TMEM132C: variants seen among roughly 807,000 people sequenced by gnomAD.
TMEM132C encodes protein phosphatase 1, regulatory subunit 152.
In TMEM132C, 29 loss-of-function variants were observed where a neutral mutation model predicts 61.4. The ratio of observed to expected loss-of-function variants is 0.47; its 90% CI spans 0.35 to 0.64. The LOEUF (loss-of-function observed/expected upper bound fraction) is 0.64. Ranked by LOEUF, TMEM132C falls within the 30% of genes least tolerant of loss-of-function variation. The pLI is 0.00. For synonymous variants in TMEM132C, 656 were observed against 633.1 expected (o/e 1.04, Z -0.54); for missense variants, 1,408 against 1,476.9 (o/e 0.95, Z 0.76).
At chr12:128,279,636 A>C (rs564398502) in intron 1 of TMEM132C, among the ~76,000 whole-genome samples, 1 of 152,168 alleles carries the variant, frequency 6.6e-6, no homozygotes, top group African/African-American at 2.4e-5. Flanking sequence ...GGGCCTTTGC[A>C]CATGCCTACT....
chr12:128,340,214 T>C (rs1425151507), intron 1 of TMEM132C, among the ~76,000 whole-genome samples: 1 of 152,214 alleles, frequency 6.6e-6, no homozygotes, highest in African/African-American at 2.4e-5. Flanking sequence ...TTTGGAGACC[T>C]TGAAAATGAG....
intron 3 of TMEM132C, among the ~76,000 whole-genome samples, chr12:128,584,810 T>C (rs1357504967): frequency 6.6e-6 from 1 of 152,166 alleles, no homozygotes; most frequent in Non-Finnish European, 1.5e-5. Flanking sequence ...GGGGGGTCTT[T>C]GCTGTCCTCC....
At chr12:128,392,476 A>G (rs1166259467) in intron 1 of TMEM132C, among the ~76,000 whole-genome samples, 1 of 151,922 alleles carries the variant, frequency 6.6e-6, no homozygotes, top group East Asian at 2.0e-4. Context: ...AGTTTCTCAA[A>G]TAAGATTTGA....
At chr12:128,532,126 G>C (rs945348228) in intron 2 of TMEM132C, among the ~76,000 whole-genome samples, 20 of 152,164 alleles carry the variant, frequency 1.3e-4, no homozygotes, top group African/African-American at 4.8e-4. Flanking sequence ...AGTGTTGCAC[G>C]CATGCTAGCA....
At chr12:128,486,969 C>T (rs539546468) in intron 2 of TMEM132C, among the ~76,000 whole-genome samples, 2 of 151,172 alleles carry the variant, frequency 1.3e-5, no homozygotes, top group African/African-American at 4.9e-5. Context: ...AAGAAAGAAA[C>T]AATGTCAGGA....
At chr12:128,473,548 G>C (rs1367422839) in intron 2 of TMEM132C, among the ~76,000 whole-genome samples, 6 of 135,584 alleles carry the variant, frequency 4.4e-5, no homozygotes, top group African/African-American at 1.8e-4. Context: ...CTTCACTCCA[G>C]CATCCATCTT....
At position 128,267,277 on chromosome 12, in the gene TMEM132C, G is replaced by A. The variant is rs1411001934; in HGVS notation, c.-126G>A. On this transcript the variant is annotated 5_prime_UTR_variant, in exon 1 of 9. Transcript: ENST00000435159. ...CGGCAGGGGCGGGCCTCGGACAGCA[G>A]AGACGCAGCGGGCCCGGCCGACCGG... 1.0e-5 allele frequency: 5 copies of A among 478,916 alleles called. No individual in the cohort carries two copies. The highest frequency in any genetic ancestry group is 1.4e-5 in the Non-Finnish European group (5 of 368,746). The allele number at this position is 478,916 out of a possible 1,614,324, so 29.7% of individuals were successfully genotyped here.
At position 128,693,939 on chromosome 12, in the gene TMEM132C, C is replaced by T. The variant is rs1309365636; in HGVS notation, c.1560C>T (p.Thr520=). 2.2e-5 allele frequency: 34 copies of T among 1,551,598 alleles called. No homozygotes were observed. Among genetic ancestry groups the T allele is most frequent in the African/African-American group, 5.5e-5 (4 of 73,012 alleles). The change falls in exon 6 of 9, where the codon ACC becomes ACT. Residue 520 remains threonine (T), a synonymous_variant. Transcript: ENST00000435159. ...ACCTGAGCGCCCCCCTGTGTGTCACCGTGTGGGTGCCCCGGCTGCCCCTGC... is the reference window on the plus strand; with the variant it reads ...ACCTGAGCGCCCCCCTGTGTGTCACTGTGTGGGTGCCCCGGCTGCCCCTGC... ...YQYLSAPLCV[T]VWVPRLPLQI... is the part of the protein sequence containing the mutation.
intron 4 of TMEM132C, among the ~76,000 whole-genome samples, chr12:128,653,669 G>A (rs766215302): frequency 6.6e-6 from 1 of 152,210 alleles, no homozygotes; most frequent in East Asian, 1.9e-4. Context: ...GGGGGAGAAT[G>A]TAAGTGCCGG....
chr12:128,300,808 G>T (rs528162081), intron 1 of TMEM132C, among the ~76,000 whole-genome samples: 1 of 152,256 alleles, frequency 6.6e-6, no homozygotes, highest in East Asian at 1.9e-4. Flanking sequence ...AGACGTAAGC[G>T]GGAGGATTGT....
chr12:128,646,752 C>T (rs1336118789), intron 4 of TMEM132C, among the ~76,000 whole-genome samples: 1 of 150,728 alleles, frequency 6.6e-6, no homozygotes, highest in African/African-American at 2.4e-5. Flanking sequence ...TACTAGAGTC[C>T]ATCAGCATTG....
chr12:128,357,264 G>A (rs556919639), intron 1 of TMEM132C, among the ~76,000 whole-genome samples: 40 of 152,244 alleles, frequency 2.6e-4, no homozygotes, highest in South Asian at 1.2e-3. Flanking sequence ...GCTTAGGTTT[G>A]CAGCCCTTCT....
intron 3 of TMEM132C, among the ~76,000 whole-genome samples, chr12:128,581,145 A>G (rs1565980616): frequency 1.3e-5 from 2 of 152,184 alleles, no homozygotes; most frequent in Admixed American, 6.5e-5. Context: ...TTTGCACCAG[A>G]TCAGGGAGCA....
chr12:128,267,936 G>A (rs908284826), intron 1 of TMEM132C, among the ~76,000 whole-genome samples: 7 of 152,210 alleles, frequency 4.6e-5, no homozygotes, highest in Non-Finnish European at 1.0e-4. Flanking sequence ...CACAGCTTCG[G>A]CACTGTGGGG....
At chr12:128,556,529 A>G (rs904202675) in intron 3 of TMEM132C, among the ~76,000 whole-genome samples, 3 of 152,178 alleles carry the variant, frequency 2.0e-5, no homozygotes, top group African/African-American at 7.2e-5. Context: ...CATACTCTCC[A>G]TGTCCCCAAC....
At chr12:128,431,048 G>T (rs932391751) in intron 2 of TMEM132C, among the ~76,000 whole-genome samples, 5 of 152,224 alleles carry the variant, frequency 3.3e-5, no homozygotes, top group African/African-American at 4.8e-5. Flanking sequence ...GTGGAAAGTG[G>T]GGAGGCCAAA....
chr12:128,303,593 T>A (rs373668821), intron 1 of TMEM132C, among the ~76,000 whole-genome samples: 15 of 152,204 alleles, frequency 9.9e-5, no homozygotes, highest in South Asian at 4.1e-4. Context: ...GTAAAATACA[T>A]CCTGAGCCTT....
intron 8 of TMEM132C, among the ~76,000 whole-genome samples, chr12:128,698,597 G>C (rs561329269): frequency 1.3e-5 from 2 of 152,220 alleles, no homozygotes; most frequent in African/African-American, 4.8e-5. Flanking sequence ...AAAAACAGTG[G>C]CTGGCACATG....
intron 2 of TMEM132C, among the ~76,000 whole-genome samples, chr12:128,448,245 T>C (rs947184198): frequency 6.6e-6 from 1 of 152,206 alleles, no homozygotes; most frequent in Non-Finnish European, 1.5e-5. Flanking sequence ...TGAACTGTTA[T>C]GCAGCTTTTT....
Sources: gnomAD v4.1 joint callset for allele counts (sites outside exome capture counted in the v4.1 genomes callset) on GRCh38, gnomAD v4.1.1 for gene constraint, MANE v1.5 for transcripts, NCBI Gene and HGNC (gene_info 2026-07-23, HGNC 2026-07-21) for gene names.